TNS1: variants seen among roughly 807,000 people sequenced by gnomAD.
TNS1 encodes tensin 1, also known as tensin-1.
A neutral mutation model predicts 168.6 loss-of-function variants in TNS1; 62 were observed. The observed-to-expected ratio is 0.37, with a 90% CI of 0.30 to 0.45. The LOEUF is 0.45. Among genes scored for constraint, TNS1 ranks in the 20% least tolerant of loss-of-function variants. The pLI, the probability that TNS1 is intolerant of heterozygous loss-of-function variation, is 1.00. For synonymous variants in TNS1, 934 were observed against 933.2 expected, an observed-to-expected ratio of 1.00 and a Z score of -0.02; for missense variants, 2,240 against 2,339.4, an observed-to-expected ratio of 0.96 and a Z score of 0.88.
chr2:217,855,144 C>T (rs548404234), intron 18 of TNS1, among the ~76,000 whole-genome samples: 3 of 152,170 alleles, frequency 2.0e-5, no homozygotes, highest in Non-Finnish European at 4.4e-5. Flanking sequence ...AGCCCAACCC[C>T]CACGCTGGAA....
At chr2:217,892,132 C>T (rs1951807116) in intron 11 of TNS1, among the ~76,000 whole-genome samples, 1 of 152,178 alleles carries the variant, frequency 6.6e-6, no homozygotes, top group African/African-American at 2.4e-5. Flanking sequence ...CAGAGTCTCC[C>T]TGTCTCCCAG....
At chr2:217,947,426 C>A (rs1482826789) in intron 3 of TNS1, among the ~76,000 whole-genome samples, 1 of 151,884 alleles carries the variant, frequency 6.6e-6, no homozygotes, top group Admixed American at 6.6e-5. Context: ...CTGTGAGCTG[C>A]AGACAGAGGC....
At chr2:217,868,827 A>G (rs1949515091) in intron 18 of TNS1, among the ~76,000 whole-genome samples, 1 of 152,212 alleles carries the variant, frequency 6.6e-6, no homozygotes, top group Non-Finnish European at 1.5e-5. Flanking sequence ...CCATCTAAAG[A>G]CTATCACCTC....
chr2:218,014,648 T>A (rs1422141398), upstream of TNS1, among the ~76,000 whole-genome samples: 2 of 152,222 alleles, frequency 1.3e-5, no homozygotes, highest in East Asian at 1.9e-4. Flanking sequence ...CAAATCTATG[T>A]GACATCAATA....
At chr2:217,822,689 G>T (rs373278426) in intron 22 of TNS1, among the ~76,000 whole-genome samples, 56 of 152,182 alleles carry the variant, frequency 3.7e-4, no homozygotes, top group African/African-American at 1.3e-3. Flanking sequence ...AGCCTAAGAG[G>T]GGGTGGGGGA....
At chr2:218,030,522 C>T (rs1958883981) in intron 1 of TNS1, among the ~76,000 whole-genome samples, 1 of 152,262 alleles carries the variant, frequency 6.6e-6, no homozygotes, top group South Asian at 2.1e-4. Context: ...GCCCCAAGCT[C>T]CATGCCTGGC....
Position 217,956,434 on chromosome 2 carries a change from A to AAGAGTCAGGCAGG in TNS1, c.186+22330_186+22331insCCTGCCTGACTCT, listed in dbSNP as rs56658141. Among the ~76,000 whole-genome samples, 615 of 152,064 alleles carry AAGAGTCAGGCAGG rather than the reference A, an allele frequency of 4.0e-3. 4 individuals are homozygous for AAGAGTCAGGCAGG. Among genetic ancestry groups the AAGAGTCAGGCAGG allele is most frequent in the Admixed American group, 0.011 (169 of 15,286 alleles). ...AGAAGGGGGAGTAACAAGGACGCAG[A>AAGAGTCAGGCAGG]AAAGAGAAAGAACAAAGAAATAAAG... is the stretch of plus-strand genomic sequence containing the variant. On this transcript the variant is annotated intron_variant, in intron 3 of 32. Coordinates refer to ENST00000682258, the MANE Select transcript of TNS1 (RefSeq NM_001387777.1).
intron 22 of TNS1, among the ~76,000 whole-genome samples, chr2:217,824,829 C>T (rs550241609): frequency 8.5e-5 from 13 of 152,256 alleles, no homozygotes; most frequent in African/African-American, 2.4e-4. Flanking sequence ...CCACGGCTCT[C>T]GGCACCACCT....
chr2:217,814,869 AGCCAGCTATG>A (rs1280104140), intron 25 of TNS1, 33 bp downstream of exon 25: 1 of 1,546,444 alleles, frequency 6.5e-7, no homozygotes, highest in African/African-American at 1.4e-5. Flanking sequence ...AGCAGGCCTC[AGCCAGCTATG>A]GCCTCTGATG....
At chr2:217,887,833 G>A (rs1192204436) in intron 12 of TNS1, among the ~76,000 whole-genome samples, 1 of 152,218 alleles carries the variant, frequency 6.6e-6, no homozygotes, top group Non-Finnish European at 1.5e-5. Context: ...CTGCCCAATA[G>A]AGATCAGTCC....
At chr2:217,978,225 A>G (rs545071159) in intron 3 of TNS1, among the ~76,000 whole-genome samples, 3 of 152,278 alleles carry the variant, frequency 2.0e-5, no homozygotes, top group African/African-American at 7.2e-5. Context: ...GACCTGGCCA[A>G]TAAAGAGGAA....
intron 18 of TNS1, chr2:217,859,718 T>G: frequency 3.3e-6 from 5 of 1,528,694 alleles, no homozygotes; most frequent in Non-Finnish European, 4.4e-6. Flanking sequence ...AAATCATGAA[T>G]AGCAGAGTAT....
At position 217,930,133 on chromosome 2, in the gene TNS1, C is replaced by T. The variant is rs543008764; in HGVS notation, c.187-9897G>A. Among the ~76,000 whole-genome samples, 5 of 152,338 alleles carry T rather than the reference C, an allele frequency of 3.3e-5. No homozygotes were observed. In the South Asian group the frequency reaches 6.2e-4, roughly 19 times the overall value. On this transcript the variant is annotated intron_variant, in intron 3 of 32. Coordinates refer to ENST00000682258, the MANE Select transcript of TNS1 (RefSeq NM_001387777.1). ...CCCTTGCTCTGGCCAGAGAAAATTACGTTCAGGTCCGCTTTCATTCAATAC... is the reference window on the plus strand; with the variant it reads ...CCCTTGCTCTGGCCAGAGAAAATTATGTTCAGGTCCGCTTTCATTCAATAC...
intron 1 of TNS1, among the ~76,000 whole-genome samples, chr2:218,025,517 T>C (rs1958843289): frequency 6.6e-6 from 1 of 152,140 alleles, no homozygotes; most frequent in Non-Finnish European, 1.5e-5. Flanking sequence ...CCCAAAGTGC[T>C]GGTATTACAG....
At chr2:217,939,305 C>G (rs922414397) in intron 3 of TNS1, among the ~76,000 whole-genome samples, 6 of 152,174 alleles carry the variant, frequency 3.9e-5, no homozygotes, top group Non-Finnish European at 8.8e-5. Context: ...TCAAGACAGA[C>G]CTCTCAGTCC....
At chr2:218,004,162 C>A (rs890032150), upstream of TNS1, among the ~76,000 whole-genome samples, 1 of 152,184 alleles carries the variant, frequency 6.6e-6, no homozygotes, top group Non-Finnish European at 1.5e-5. Flanking sequence ...AGGGCTCAGC[C>A]CCACACCCTC....
At chr2:217,934,241 G>C (rs1956480042) in intron 3 of TNS1, among the ~76,000 whole-genome samples, 1 of 152,178 alleles carries the variant, frequency 6.6e-6, no homozygotes, top group African/African-American at 2.4e-5. Context: ...ATGGAGCTGA[G>C]GGGGTGTGAA....
intron 18 of TNS1, among the ~76,000 whole-genome samples, chr2:217,858,939 A>C (rs1948505266): frequency 6.6e-6 from 1 of 150,628 alleles, no homozygotes; most frequent in Non-Finnish European, 1.5e-5. Context: ...AGCCCAGTCC[A>C]ACTCCAGCCC....
At chr2:218,011,266 G>A (rs559549822), upstream of TNS1, among the ~76,000 whole-genome samples, 4 of 152,314 alleles carry the variant, frequency 2.6e-5, no homozygotes, top group East Asian at 7.7e-4. Context: ...GGAAAAAGAG[G>A]GGAGGCGGAG....
Sources: gnomAD v4.1 joint callset for allele counts (sites outside exome capture counted in the v4.1 genomes callset) on GRCh38, gnomAD v4.1.1 for gene constraint, MANE v1.5 for transcripts, NCBI Gene and HGNC (gene_info 2026-07-23, HGNC 2026-07-21) for gene names.